The following DNAH7 variants were observed in gnomAD, a reference collection of about 807,000 sequenced individuals.
DNAH7 encodes the protein axonemal beta dynein heavy chain 7.
DNAH7 carries 397 observed loss-of-function variants against 444.6 expected under a neutral mutation model. The observed-to-expected ratio is 0.89, with a 90% CI of 0.82 to 0.97. The LOEUF (loss-of-function observed/expected upper bound fraction) is 0.97, where lower values mean the gene tolerates loss of function less well. Ranked by LOEUF, DNAH7 falls within the 50% of genes least tolerant of loss-of-function variation. DNAH7 has a pLI of 0.00. For synonymous variants in DNAH7, 1,636 were observed against 1,624.4 expected (o/e 1.01, Z -0.17); for missense variants, 4,902 against 4,800.8 (o/e 1.02, Z -0.62).
At chr2:195,907,085 A>C in intron 25 of DNAH7, 76 bp from the exon 26 acceptor site, 1 of 1,152,118 alleles carries the variant, frequency 8.7e-7, no homozygotes, top group Non-Finnish European at 1.2e-6. Flanking sequence ...TTTTCACCTG[A>C]TCTTTTCAAG....
chr2:195,814,111 G>C (rs1697111645), intron 51 of DNAH7, among the ~76,000 whole-genome samples: 1 of 152,176 alleles, frequency 6.6e-6, no homozygotes, highest in African/African-American at 2.4e-5. Context: ...TCTTGAGTTA[G>C]GTGCTGGTTA....
intron 61 of DNAH7, 107 bp from the exon 62 acceptor site, chr2:195,756,392 A>G (rs1694075184): frequency 9.5e-7 from 1 of 1,050,990 alleles, no homozygotes; most frequent in South Asian, 2.9e-5. Flanking sequence ...TTACATTGTG[A>G]TTAGTTAAGG....
intron 19 of DNAH7, among the ~76,000 whole-genome samples, chr2:195,950,475 ATT>A (rs1217161815): frequency 1.3e-5 from 2 of 151,160 alleles, no homozygotes; most frequent in Non-Finnish European, 2.9e-5. Flanking sequence ...CATTTTTTTT[ATT>A]GTGTCTATTT....
intron 63 of DNAH7, among the ~76,000 whole-genome samples, chr2:195,752,356 C>T (rs972809787): frequency 3.3e-5 from 5 of 151,344 alleles, no homozygotes; most frequent in South Asian, 2.1e-4. Flanking sequence ...AGCAGAAGAA[C>T]GAAGAGTTCC....
intron 57 of DNAH7, among the ~76,000 whole-genome samples, chr2:195,792,470 G>A (rs1695932061): frequency 1.3e-5 from 2 of 148,624 alleles, no homozygotes; most frequent in Non-Finnish European, 3.0e-5. Flanking sequence ...CTTCTTCAGA[G>A]ATATCAATGT....
At chr2:195,783,681 CT>C (rs1353177983) in intron 58 of DNAH7, among the ~76,000 whole-genome samples, 1 of 152,184 alleles carries the variant, frequency 6.6e-6, no homozygotes. Context: ...TGGATTAAGA[CT>C]TCAACATGTC....
At chr2:195,995,548 A>G (rs897548894) in intron 12 of DNAH7, 1 of 295,024 alleles carries the variant, frequency 3.4e-6, no homozygotes. Flanking sequence ...CTGCTGCTGT[A>G]AGGGCATTTC....
chr2:195,765,040 C>T (rs1457848497), intron 61 of DNAH7, among the ~76,000 whole-genome samples: 1 of 151,364 alleles, frequency 6.6e-6, no homozygotes, highest in Non-Finnish European at 1.5e-5. Context: ...AAAACAGACA[C>T]ACAGCCCAAT....
At chr2:195,953,922 T>G (rs1476447737) in intron 19 of DNAH7, among the ~76,000 whole-genome samples, 1 of 152,238 alleles carries the variant, frequency 6.6e-6, no homozygotes, top group African/African-American at 2.4e-5. Flanking sequence ...GGGTTTATGT[T>G]TATTTTCAGC....
At chr2:195,965,586 T>C (rs901795548) in intron 17 of DNAH7, among the ~76,000 whole-genome samples, 1 of 152,148 alleles carries the variant, frequency 6.6e-6, no homozygotes, top group Admixed American at 6.5e-5. Flanking sequence ...AGTGAAGCCA[T>C]TGGGTCCTGG....
intron 54 of DNAH7, among the ~76,000 whole-genome samples, chr2:195,799,749 TGAA>T (rs537214075): frequency 4.1e-4 from 62 of 152,310 alleles, no homozygotes; most frequent in Admixed American, 7.8e-4. Context: ...GCATAGTGGC[TGAA>T]GAAGGAACCT....
At chr2:195,905,291 A>G (rs531464920) in intron 27 of DNAH7, 1 of 152,302 alleles carries the variant, frequency 6.6e-6, no homozygotes, top group Non-Finnish European at 1.5e-5. Flanking sequence ...CAACAACAAG[A>G]AAGGCTTTCC....
intron 27 of DNAH7, among the ~76,000 whole-genome samples, 200 bp downstream of exon 27, chr2:195,906,445 CTTTCTTTCTTTTTT>C (rs1411601841): frequency 7.7e-6 from 1 of 129,212 alleles, no homozygotes; most frequent in Non-Finnish European, 1.6e-5. Flanking sequence ...AAAATATTTT[CTTTCTTTCTTTTTT>C]TTTTTTTTTT....
chr2:195,762,798 A>T (rs1694406542), intron 61 of DNAH7, among the ~76,000 whole-genome samples: 1 of 152,142 alleles, frequency 6.6e-6, no homozygotes, highest in African/African-American at 2.4e-5. Flanking sequence ...TCAACACCCT[A>T]CTTTCAGCAT....
In DNAH7 at chr2:195,857,479, T is replaced by G; in HGVS notation, c.8312A>C (p.Asn2771Thr). ...TACAAAATCTGGATTTGGAATATAA[T>G]TTTTTCTTATGATATTCATATAAGC... ...PPAYMNIIRK[N>T]YIPNPDFVPE... Residue 2771 changes from asparagine (N) to threonine (T), a missense_variant, in exon 44 of 65, where the codon AAT becomes ACT. By Grantham distance (65) the Asn-to-Thr change is moderately conservative. Transcript: ENST00000312428. The G allele has an allele frequency of 6.2e-7, 1 of 1,613,660 alleles. No homozygotes were observed. The highest frequency in any genetic ancestry group is 8.5e-7 in the Non-Finnish European group (1 of 1,179,836).
At chr2:195,886,400 C>G (rs562898044) in intron 33 of DNAH7, 128 bp from the exon 34 acceptor site, 9 of 760,930 alleles carry the variant, frequency 1.2e-5, no homozygotes, top group African/African-American at 1.8e-5. Context: ...ATACTACCTA[C>G]GAGTAGGTAC....
intron 63 of DNAH7, among the ~76,000 whole-genome samples, chr2:195,746,541 A>G (rs886898183): frequency 2.6e-5 from 4 of 152,216 alleles, no homozygotes; most frequent in African/African-American, 7.2e-5. Flanking sequence ...AACAGAATAT[A>G]CATTTTTTTC....
At chr2:195,887,556 A>T (rs1701775817) in intron 33 of DNAH7, among the ~76,000 whole-genome samples, 2 of 152,072 alleles carry the variant, frequency 1.3e-5, no homozygotes, top group African/African-American at 4.8e-5. Flanking sequence ...TCCATTTTCC[A>T]AATCTGTACC....
At chr2:195,946,635 C>T (rs922654739) in intron 19 of DNAH7, among the ~76,000 whole-genome samples, 1 of 152,188 alleles carries the variant, frequency 6.6e-6, no homozygotes, top group Non-Finnish European at 1.5e-5. Context: ...TTTGCAGGAT[C>T]AGGTATATCA....
Sources: gnomAD v4.1 joint callset for allele counts (sites outside exome capture counted in the v4.1 genomes callset) on GRCh38, gnomAD v4.1.1 for gene constraint, MANE v1.5 for transcripts, NCBI Gene and HGNC (gene_info 2026-07-23, HGNC 2026-07-21) for gene names.